The following MACROD2 variants were observed in gnomAD, a reference collection of about 807,000 sequenced individuals.
MACROD2 encodes the protein ADP-ribose glycohydrolase MACROD2.
A neutral mutation model predicts 70.4 loss-of-function variants in MACROD2; 36 were observed. The ratio of observed to expected loss-of-function variants is 0.51; its 90% confidence interval spans 0.39 to 0.68. The LOEUF (loss-of-function observed/expected upper bound fraction) is 0.68. MACROD2 is among the 30% of genes least tolerant of loss of function. The pLI is 0.00. For missense variants in MACROD2, 496 were observed against 538.4 expected (o/e 0.92, Z 0.78); for synonymous variants, 172 against 178.8 (o/e 0.96, Z 0.30).
At chr20:14,587,919 C>T (rs1246120908) in intron 4 of MACROD2, among the ~76,000 whole-genome samples, 1 of 152,088 alleles carries the variant, frequency 6.6e-6, no homozygotes, top group Admixed American at 6.5e-5. Context: ...TATCAATACC[C>T]CTTTAAGTGT....
intron 5 of MACROD2, among the ~76,000 whole-genome samples, chr20:14,810,977 T>C (rs1004805467): frequency 1.3e-5 from 2 of 152,090 alleles, no homozygotes; most frequent in African/African-American, 4.8e-5. Context: ...TGCTCATGGA[T>C]AGGAAGAATC....
chr20:15,682,863 G>A (rs2050178625), intron 8 of MACROD2, among the ~76,000 whole-genome samples: 1 of 152,036 alleles, frequency 6.6e-6, no homozygotes, highest in Non-Finnish European at 1.5e-5. Flanking sequence ...GTCATTTTTT[G>A]TTGTTATTGC....
chr20:15,148,975 C>G (rs1316292247), intron 5 of MACROD2, among the ~76,000 whole-genome samples: 1 of 151,942 alleles, frequency 6.6e-6, no homozygotes, highest in Non-Finnish European at 1.5e-5. Context: ...GAAGGCTAAA[C>G]TGAGGAATTA....
At chr20:14,412,674 A>T (rs1469859923) in intron 3 of MACROD2, among the ~76,000 whole-genome samples, 1 of 152,188 alleles carries the variant, frequency 6.6e-6, no homozygotes, top group Non-Finnish European at 1.5e-5. Flanking sequence ...TGGGGATGAT[A>T]ATCCCTACGT....
chr20:14,261,786 A>G (rs551407187), intron 3 of MACROD2, among the ~76,000 whole-genome samples: 4 of 152,322 alleles, frequency 2.6e-5, no homozygotes, highest in African/African-American at 9.6e-5. Flanking sequence ...TATACTTTAC[A>G]TATAGTAGAA....
At chr20:15,983,896 G>T (rs1337145089) in intron 13 of MACROD2, among the ~76,000 whole-genome samples, 1 of 152,142 alleles carries the variant, frequency 6.6e-6, no homozygotes, top group Non-Finnish European at 1.5e-5. Context: ...TTAGTAAAAT[G>T]AATGTTTCCT....
intron 3 of MACROD2, among the ~76,000 whole-genome samples, chr20:14,094,233 C>T (rs1397893350): frequency 2.6e-5 from 4 of 152,098 alleles, no homozygotes; most frequent in Non-Finnish European, 1.5e-5. Flanking sequence ...TGACTCTGCC[C>T]TCTTTAATGG....
chr20:15,722,667 TG>T, intron 8 of MACROD2, among the ~76,000 whole-genome samples: 1 of 151,574 alleles, frequency 6.6e-6, no homozygotes, highest in East Asian at 2.0e-4. Context: ...TCCATTTCAG[TG>T]GCTTATCTTT....
intron 6 of MACROD2, among the ~76,000 whole-genome samples, chr20:15,254,984 C>T (rs969599043): frequency 8.1e-6 from 1 of 123,014 alleles, no homozygotes; most frequent in African/African-American, 3.2e-5. Flanking sequence ...TGAGTGAACA[C>T]AATATAGTGG....
At chr20:15,116,307 C>T (rs925633896) in intron 5 of MACROD2, among the ~76,000 whole-genome samples, 1 of 152,138 alleles carries the variant, frequency 6.6e-6, no homozygotes, top group Admixed American at 6.5e-5. Context: ...ACATGAAGAC[C>T]ATGAGGATGA....
intron 8 of MACROD2, among the ~76,000 whole-genome samples, chr20:15,712,496 C>T (rs2050642959): frequency 6.6e-6 from 1 of 152,156 alleles, no homozygotes; most frequent in Non-Finnish European, 1.5e-5. Context: ...TCTTATTTTT[C>T]ACTCTATTTG....
At chr20:15,883,975 T>G (rs1043940311) in intron 9 of MACROD2, among the ~76,000 whole-genome samples, 1 of 152,124 alleles carries the variant, frequency 6.6e-6, no homozygotes, top group African/African-American at 2.4e-5. Context: ...TAACAATGTT[T>G]CAGTAGCTGT....
At chr20:14,051,844 T>A in intron 2 of MACROD2, 2 of 491,086 alleles carry the variant, frequency 4.1e-6, no homozygotes, top group Non-Finnish European at 8.2e-6. Flanking sequence ...CCATCCTTTT[T>A]GTGAGGAGAT....
chr20:15,657,512 A>G (rs2049749694), intron 8 of MACROD2, among the ~76,000 whole-genome samples: 1 of 152,216 alleles, frequency 6.6e-6, no homozygotes, highest in Non-Finnish European at 1.5e-5. Flanking sequence ...TAGATAGATA[A>G]ATAAATAAAT....
intron 6 of MACROD2, among the ~76,000 whole-genome samples, chr20:15,331,443 T>C (rs2077991393): frequency 6.6e-6 from 1 of 151,684 alleles, no homozygotes; most frequent in South Asian, 2.1e-4. Context: ...CATCAATTTT[T>C]TTTCTAGAAG....
intron 5 of MACROD2, among the ~76,000 whole-genome samples, chr20:14,976,723 A>T (rs991557821): frequency 6.6e-6 from 1 of 152,124 alleles, no homozygotes; most frequent in African/African-American, 2.4e-5. Context: ...GTTGCTTAGA[A>T]TCAAATCATC....
intron 3 of MACROD2, among the ~76,000 whole-genome samples, chr20:14,091,228 C>T (rs2054144676): frequency 6.6e-6 from 1 of 151,960 alleles, no homozygotes; most frequent in Admixed American, 6.6e-5. Context: ...GTTTGCTGGG[C>T]AGAAGTTTTT....
chr20:15,237,405 C>A (rs1362860125), intron 6 of MACROD2, among the ~76,000 whole-genome samples: 4 of 152,132 alleles, frequency 2.6e-5, no homozygotes, highest in African/African-American at 4.8e-5. Context: ...TTCTTCATTG[C>A]GTGTTCTAGT....
At chr20:14,396,859 A>G (rs2122821860) in intron 3 of MACROD2, among the ~76,000 whole-genome samples, 1 of 137,738 alleles carries the variant, frequency 7.3e-6, no homozygotes, top group African/African-American at 2.7e-5. Context: ...CAGGAGGTGG[A>G]GCTTGCAGTG....
Sources: gnomAD v4.1 joint callset for allele counts (sites outside exome capture counted in the v4.1 genomes callset) on GRCh38, gnomAD v4.1.1 for gene constraint, MANE v1.5 for transcripts, NCBI Gene and HGNC (gene_info 2026-07-23, HGNC 2026-07-21) for gene names.